The following TRHR variants were observed in gnomAD, a reference collection of about 807,000 sequenced individuals.
TRHR encodes the protein thyrotropin-releasing hormone receptor.
A neutral mutation model predicts 28.0 loss-of-function variants in TRHR; 14 were observed. That is an observed-to-expected ratio of 0.50 (90% CI 0.33 to 0.78). TRHR has a LOEUF of 0.78. TRHR is among the 30% of genes least tolerant of loss of function. TRHR has a pLI of 0.02. For missense variants in TRHR, 438 were observed against 469.5 expected, an observed-to-expected ratio of 0.93 and a Z score of 0.62; for synonymous variants, 176 against 171.9, an observed-to-expected ratio of 1.02 and a Z score of -0.18.
In TRHR at chr8:109,087,642, A is replaced by G. The variant is rs553777610; in HGVS notation, c.130A>G (p.Ile44Val). 4 of 1,614,086 alleles carry G rather than the reference A, an allele frequency of 2.5e-6. No homozygotes were observed. Among genetic ancestry groups the G allele is most frequent in the Non-Finnish European group, 8.5e-7 (1 of 1,179,954 alleles). The part of the protein sequence containing the change: ...IICGLGIVGN[I>V]MVVLVVMRTK... ...TTGTGGCCTGGGCATTGTAGGCAAC[A>G]TCATGGTAGTCCTGGTTGTCATGAG... Residue 44 changes from isoleucine to valine, a missense_variant, in exon 2 of 3, where the codon ATC (isoleucine) becomes GTC (valine). Physicochemically the swap from Ile to Val is conservative, Grantham distance 29. Coordinates refer to ENST00000518632, the MANE Select transcript of TRHR (RefSeq NM_003301.7).
chr8:109,103,061 A>T (rs1811700603), intron 2 of TRHR, among the ~76,000 whole-genome samples: 1 of 152,178 alleles, frequency 6.6e-6, no homozygotes, highest in Non-Finnish European at 1.5e-5. Flanking sequence ...ATGCACATCC[A>T]CAGGGCAGGG....
intron 2 of TRHR, among the ~76,000 whole-genome samples, chr8:109,099,256 G>T (rs1235886458): frequency 1.3e-5 from 2 of 152,166 alleles, no homozygotes; most frequent in Non-Finnish European, 2.9e-5. Flanking sequence ...TAATGGAAAG[G>T]TGTGGTGGCG....
intron 2 of TRHR, among the ~76,000 whole-genome samples, chr8:109,090,990 G>T (rs955995856): frequency 6.6e-6 from 1 of 152,170 alleles, no homozygotes; most frequent in African/African-American, 2.4e-5. Context: ...ATCAGGCAAA[G>T]AAAGGAATTT....
intron 2 of TRHR, among the ~76,000 whole-genome samples, chr8:109,093,291 G>A (rs1349826839): frequency 6.6e-6 from 1 of 150,874 alleles, no homozygotes; most frequent in Non-Finnish European, 1.5e-5. Context: ...GCTCTCCTCA[G>A]TCATACAATG....
At position 109,121,206 on chromosome 8, in the gene TRHR, G is replaced by C. The variant is rs1306140881; in HGVS notation, c.*1751G>C. ...ACCCTAAAACCCTACCTGCATGACA[G>C]TAAGCAATCTATGTTAACTGACTTT... is the stretch of plus-strand genomic sequence containing the variant. On this transcript the variant is annotated 3_prime_UTR_variant, in exon 3 of 3. Transcript: ENST00000518632. 6.6e-6 allele frequency among the ~76,000 whole-genome samples: 1 copy of C among 151,360 alleles called. No individual in the cohort carries two copies. The highest frequency in any genetic ancestry group is 2.4e-5 in the African/African-American group (1 of 41,250).
chr8:109,100,291 A>C (rs1442961616), intron 2 of TRHR, among the ~76,000 whole-genome samples: 1 of 152,170 alleles, frequency 6.6e-6, no homozygotes, highest in Admixed American at 6.5e-5. Flanking sequence ...TTAACTAGAG[A>C]TTATAAGGGG....
At chr8:109,087,348 AGTGACG>A (rs1811447304) in intron 1 of TRHR, 71 bp from the exon 2 acceptor site, 1 of 760,424 alleles carries the variant, frequency 1.3e-6, no homozygotes, top group African/African-American at 1.7e-5. Flanking sequence ...AAGGAGTGGA[AGTGACG>A]GTTATTTGTG....
intron 2 of TRHR, among the ~76,000 whole-genome samples, chr8:109,095,839 C>T (rs1320279237): frequency 6.6e-6 from 1 of 151,982 alleles, no homozygotes; most frequent in Non-Finnish European, 1.5e-5. Context: ...CCCCCCGCCC[C>T]CCATAGCTAA....
intron 2 of TRHR, among the ~76,000 whole-genome samples, chr8:109,092,856 G>A (rs892904121): frequency 1.3e-5 from 2 of 151,860 alleles, no homozygotes; most frequent in East Asian, 3.9e-4. Context: ...ATAGGCAAAA[G>A]CCATCTCTTA....
chr8:109,093,165 A>G (rs1563621536), intron 2 of TRHR, among the ~76,000 whole-genome samples: 1 of 152,064 alleles, frequency 6.6e-6, no homozygotes, highest in Non-Finnish European at 1.5e-5. Context: ...TATGAGATAT[A>G]TCAGAAAAAA....
In TRHR at chr8:109,120,327, A is replaced by C. The variant is rs1811989042; in HGVS notation, c.*872A>C. 6.6e-6 allele frequency among the ~76,000 whole-genome samples: 1 copy of C among 151,874 alleles called. No homozygotes were observed. Among genetic ancestry groups the C allele is most frequent in the African/African-American group, 2.4e-5 (1 of 41,408 alleles). On this transcript the variant is annotated 3_prime_UTR_variant, in exon 3 of 3. Transcript: ENST00000518632. ...TCTTCTCTGACGCTTTTAAGCAATA[A>C]AATCTTTTTGAACATTCTTGTTTAT...
intron 2 of TRHR, among the ~76,000 whole-genome samples, chr8:109,117,967 C>T (rs1047061633): frequency 6.6e-6 from 1 of 151,968 alleles, no homozygotes; most frequent in African/African-American, 2.4e-5. Flanking sequence ...GCTCAGTGAA[C>T]AGTGAGCAAT....
At position 109,087,405 on chromosome 8, in the gene TRHR, TG is replaced by T. The variant is rs1470649034; in HGVS notation, c.-88-19del. ...GAAATTGTAACACTGTTAATGAATA[TG>T]TACTATGACCCTTCACAGGGGGATG... On this transcript the variant is annotated intron_variant, in intron 1 of 2. Transcript: ENST00000518632. 8.6e-7 allele frequency: 1 copy of T among 1,166,674 alleles called. No homozygotes were observed. Among genetic ancestry groups the T allele is most frequent in the Non-Finnish European group, 1.2e-6 (1 of 800,870 alleles). 72.3% of individuals were successfully genotyped at this position (1,166,674 alleles called of 1,614,324 possible).
intron 2 of TRHR, among the ~76,000 whole-genome samples, chr8:109,112,305 C>T (rs1047919643): frequency 5.3e-5 from 8 of 152,018 alleles, no homozygotes; most frequent in Admixed American, 2.0e-4. Context: ...ACAAAAATTT[C>T]GACTAAAACT....
chr8:109,090,142 G>A (rs530962040), intron 2 of TRHR, among the ~76,000 whole-genome samples: 41 of 152,296 alleles, frequency 2.7e-4, no homozygotes, highest in Admixed American at 1.2e-3. Context: ...AGAACTCTGT[G>A]AGCCTTAGTT....
intron 2 of TRHR, among the ~76,000 whole-genome samples, chr8:109,090,684 G>GT (rs987751369): frequency 1.3e-5 from 2 of 152,172 alleles, no homozygotes; most frequent in African/African-American, 4.8e-5. Context: ...CTTTATGGAA[G>GT]AGGTGGCATT....
chr8:109,105,046 T>C (rs955296793), intron 2 of TRHR, among the ~76,000 whole-genome samples: 5 of 152,190 alleles, frequency 3.3e-5, no homozygotes, highest in Non-Finnish European at 5.9e-5. Flanking sequence ...TATGTGTCCA[T>C]GTGTTAATTA....
At chr8:109,104,811 A>C (rs1811725485) in intron 2 of TRHR, among the ~76,000 whole-genome samples, 1 of 151,926 alleles carries the variant, frequency 6.6e-6, no homozygotes, top group Non-Finnish European at 1.5e-5. Context: ...TTCTAGCCTA[A>C]ATTCTTCAGT....
chr8:109,101,464 G>A (rs895080591), intron 2 of TRHR, among the ~76,000 whole-genome samples: 6 of 152,092 alleles, frequency 3.9e-5, no homozygotes, highest in Non-Finnish European at 4.4e-5. Context: ...ACAACCTTGA[G>A]CCTCATTTGT....
Sources: allele counts gnomAD v4.1 joint callset (sites outside exome capture counted in the v4.1 genomes callset), GRCh38; gene constraint gnomAD v4.1.1; transcripts MANE v1.5; gene names NCBI Gene and HGNC (gene_info 2026-07-23, HGNC 2026-07-21).